The following RTN3 variants were observed in gnomAD, a reference collection of about 807,000 sequenced individuals.
RTN3 encodes the protein reticulon 3, also known as reticulon-3.
Under a neutral mutation model 77.8 loss-of-function variants are expected in RTN3, and 49 were observed. The observed-to-expected ratio is 0.63, with a 90% CI of 0.50 to 0.80. RTN3 has a LOEUF of 0.80. RTN3 is among the 30% of genes least tolerant of loss of function. RTN3 has a pLI of 0.00. For synonymous variants in RTN3, 464 were observed against 446.9 expected (o/e 1.04, Z -0.48); for missense variants, 1,236 against 1,211.9 (o/e 1.02, Z -0.29).
intron 2 of RTN3, among the ~76,000 whole-genome samples, chr11:63,716,834 C>T (rs557939546): frequency 5.3e-5 from 8 of 151,926 alleles, no homozygotes; most frequent in East Asian, 1.9e-4. Flanking sequence ...CCAGGCGTGG[C>T]GGCGGGTGCC....
chr11:63,719,677 T>C lies in RTN3; in HGVS notation c.1175T>C (p.Ile392Thr), dbSNP rs375093214. ...STHQKTPVCS[I>T]DGSTPITKST... ...CATCAGAAAACTCCTGTATGTTCTA[T>C]TGATGGGAGCACTCCCATCACTAAA... The change falls in exon 3 of 9, where the codon ATT becomes ACT. Residue 392 changes from isoleucine (I) to threonine (T), a missense_variant. Ile to Thr is a moderately conservative substitution (Grantham distance 89). Transcript: ENST00000377819. The C allele has an allele frequency of 1.3e-5, 21 of 1,614,026 alleles. No individual in the cohort carries two copies. Among genetic ancestry groups the C allele is most frequent in the Non-Finnish European group, 1.7e-5 (20 of 1,180,022 alleles).
At chr11:63,749,846 A>AC in intron 3 of RTN3, 145 bp from the exon 4 acceptor site, 1 of 650,770 alleles carries the variant, frequency 1.5e-6, no homozygotes, top group Non-Finnish European at 2.7e-6. Context: ...ACATAGTGAG[A>AC]CCCCATCTCT....
intron 1 of RTN3, among the ~76,000 whole-genome samples, chr11:63,685,036 A>G (rs1448090916): frequency 6.6e-6 from 1 of 152,172 alleles, no homozygotes; most frequent in Admixed American, 6.5e-5. Flanking sequence ...TTGGGATTAC[A>G]GGCATGAGCC....
intron 2 of RTN3, among the ~76,000 whole-genome samples, chr11:63,715,323 G>C (rs1191505488): frequency 2.6e-5 from 4 of 152,162 alleles, no homozygotes; most frequent in Non-Finnish European, 5.9e-5. Context: ...TCATCTGTAA[G>C]ATGACAGATC....
At chr11:63,732,088 A>G (rs1430570778) in intron 3 of RTN3, among the ~76,000 whole-genome samples, 2 of 152,354 alleles carry the variant, frequency 1.3e-5, no homozygotes, top group African/African-American at 4.8e-5. Context: ...GCTGAAATCA[A>G]TGGAATAAAA....
At chr11:63,745,935 C>G (rs567769125) in intron 3 of RTN3, among the ~76,000 whole-genome samples, 1 of 152,160 alleles carries the variant, frequency 6.6e-6, no homozygotes, top group South Asian at 2.1e-4. Flanking sequence ...CTCAACCTTC[C>G]GAGTAGCTGG....
At chr11:63,690,105 A>G (rs574600828) in intron 1 of RTN3, among the ~76,000 whole-genome samples, 3 of 152,272 alleles carry the variant, frequency 2.0e-5, no homozygotes, top group Admixed American at 6.5e-5. Context: ...CTGATTTATT[A>G]TCTCCTGTAA....
At chr11:63,689,044 G>T (rs1027411844) in intron 1 of RTN3, among the ~76,000 whole-genome samples, 1 of 152,096 alleles carries the variant, frequency 6.6e-6, no homozygotes, top group African/African-American at 2.4e-5. Flanking sequence ...GTGCATATTT[G>T]TTGTGTGCAC....
At chr11:63,737,348 G>T (rs781746280) in intron 3 of RTN3, among the ~76,000 whole-genome samples, 1 of 152,220 alleles carries the variant, frequency 6.6e-6, no homozygotes, top group Non-Finnish European at 1.5e-5. Flanking sequence ...GGTGTCTCAT[G>T]CCTGTAATCC....
At chr11:63,743,868 A>G (rs2013632846) in intron 3 of RTN3, among the ~76,000 whole-genome samples, 1 of 152,132 alleles carries the variant, frequency 6.6e-6, no homozygotes, top group Admixed American at 6.6e-5. Flanking sequence ...GTGAGCCGAG[A>G]TCTCGCCATT....
intron 1 of RTN3, among the ~76,000 whole-genome samples, chr11:63,684,784 G>A (rs767643097): frequency 6.6e-6 from 1 of 152,030 alleles, no homozygotes; most frequent in African/African-American, 2.4e-5. Context: ...ACTCTTTTTG[G>A]AGTCTCGCTC....
intron 3 of RTN3, among the ~76,000 whole-genome samples, chr11:63,749,312 A>G (rs1188591747): frequency 6.6e-6 from 1 of 152,060 alleles, no homozygotes; most frequent in Non-Finnish European, 1.5e-5. Flanking sequence ...TGGCTTGGAT[A>G]ATTATATGGT....
chr11:63,720,973 T>A lies in RTN3; in HGVS notation c.2471T>A (p.Leu824His). ...ETTRVDAVSSLSKTELVKKHV... is the reference protein window; with the variant it reads ...ETTRVDAVSSHSKTELVKKHV... ...ACTAGGGTAGATGCTGTTTCCAGCC[T>A]TAGCAAGACTGAATTGGTAAAAAAG... The change falls in exon 3 of 9, where the codon CTT (leucine) becomes CAT (histidine). Residue 824 changes from leucine (L) to histidine (H), a missense_variant. By Grantham distance (99) the Leu-to-His change is moderately conservative (BLOSUM62 -3). Coordinates refer to ENST00000377819, the MANE Select transcript of RTN3 (RefSeq NM_001265589.2). 1.9e-6 allele frequency: 3 copies of A among 1,612,832 alleles called. No individual in the cohort carries two copies. The highest frequency in any genetic ancestry group is 2.5e-6 in the Non-Finnish European group (3 of 1,179,322).
chr11:63,695,263 A>G (rs995008298), intron 1 of RTN3, among the ~76,000 whole-genome samples: 2 of 152,206 alleles, frequency 1.3e-5, no homozygotes, highest in African/African-American at 4.8e-5. Flanking sequence ...TTCATTAGAT[A>G]TTTTGAGAAC....
chr11:63,743,878 T>C (rs1301487335), intron 3 of RTN3, among the ~76,000 whole-genome samples: 2 of 152,050 alleles, frequency 1.3e-5, no homozygotes, highest in Non-Finnish European at 2.9e-5. Flanking sequence ...ATCTCGCCAT[T>C]GCACTTCAGC....
chr11:63,681,693 A>G lies in RTN3; in HGVS notation c.57A>G (p.Gly19=), dbSNP rs561255024. The G allele has an allele frequency of 7.5e-5, 121 of 1,611,196 alleles. No individual in the cohort carries two copies. Among genetic ancestry groups the G allele is most frequent in the Middle Eastern group, 1.7e-4 (1 of 6,042 alleles). ...ATTCCATCTCCTCGTCGTCCTTCGG[A>G]GCCGAGCCGTCCGCGCCCGGCGGCG... The part of the protein sequence containing the change: ...QSHSISSSSF[G]AEPSAPGGGG... The change falls in exon 1 of 9, where the codon GGA becomes GGG. Residue 19 remains glycine, a synonymous_variant. Transcript: ENST00000377819.
intron 3 of RTN3, among the ~76,000 whole-genome samples, chr11:63,747,612 T>C (rs1291717339): frequency 6.6e-6 from 1 of 152,258 alleles, no homozygotes; most frequent in Non-Finnish European, 1.5e-5. Context: ...TTAAGGTTCT[T>C]TGGCTCTAGG....
At position 63,720,405 on chromosome 11, in the gene RTN3, T is replaced by A. The variant is rs1418559950; in HGVS notation, c.1903T>A (p.Leu635Met). 3 of 1,613,904 alleles carry A rather than the reference T, an allele frequency of 1.9e-6. No individual in the cohort carries two copies. Among genetic ancestry groups the A allele is most frequent in the Non-Finnish European group, 2.5e-6 (3 of 1,180,000 alleles). Reference sequence around the variant, plus strand: ...ATTAAATGTGACAACATCTGCCTATTTGGAGTCATTACATGGGAAAAATGT... The same window carrying A: ...ATTAAATGTGACAACATCTGCCTATATGGAGTCATTACATGGGAAAAATGT... ...FSLNVTTSAYLESLHGKNVKH... is the reference protein window; with the variant it reads ...FSLNVTTSAYMESLHGKNVKH... Residue 635 changes from leucine to methionine, a missense_variant, in exon 3 of 9, where the codon TTG becomes ATG. Leu to Met is a conservative substitution (Grantham distance 15). This residue lies in a region of RTN3 where 1,056 missense variants were observed against 990.4 expected (regional missense o/e 1.07). Transcript: ENST00000377819.
At chr11:63,740,825 A>G (rs2013423600) in intron 3 of RTN3, among the ~76,000 whole-genome samples, 1 of 152,218 alleles carries the variant, frequency 6.6e-6, no homozygotes, top group Non-Finnish European at 1.5e-5. Context: ...TTACAATTGT[A>G]GCAGAGGTTG....
Sources: allele counts gnomAD v4.1 joint callset (sites outside exome capture counted in the v4.1 genomes callset), GRCh38; gene constraint gnomAD v4.1.1; regional missense constraint gnomAD v4.1.1; transcripts MANE v1.5; gene names NCBI Gene and HGNC (gene_info 2026-07-23, HGNC 2026-07-21).